ZC3H3: variants seen among roughly 807,000 people sequenced by gnomAD.
The protein encoded by ZC3H3 is zinc finger CCCH domain-containing protein 3.
A neutral mutation model predicts 77.3 loss-of-function variants in ZC3H3; 36 were observed. The observed-to-expected ratio is 0.47, with a 90% CI of 0.36 to 0.61. The LOEUF is 0.61. Among genes scored for constraint, ZC3H3 ranks in the 20% least tolerant of loss-of-function variants. The pLI, the probability that ZC3H3 is intolerant of heterozygous loss-of-function variation, is 0.00. For missense variants in ZC3H3, 1,331 were observed against 1,312.2 expected (o/e 1.01, Z -0.22); for synonymous variants, 626 against 555.2 (o/e 1.13, Z -1.79).
At chr8:143,469,008 G>A (rs1586894300) in intron 5 of ZC3H3, among the ~76,000 whole-genome samples, 1 of 152,352 alleles carries the variant, frequency 6.6e-6, no homozygotes, top group East Asian at 1.9e-4. Context: ...ACGCCCGCCT[G>A]TCCCTGCTGC....
intron 4 of ZC3H3, among the ~76,000 whole-genome samples, chr8:143,480,779 AC>A (rs1820887048): frequency 6.6e-6 from 1 of 152,154 alleles, no homozygotes; most frequent in Admixed American, 6.5e-5. Context: ...CAGCTCTGAG[AC>A]CAATCAGAGA....
At position 143,538,590 on chromosome 8, in the gene ZC3H3, G is replaced by C. The variant is rs748910438; in HGVS notation, c.777C>G (p.Leu259=). 6.8e-6 allele frequency: 11 copies of C among 1,610,316 alleles called. No individual in the cohort carries two copies. The South Asian group carries it at 1.1e-4, about 16-fold the overall frequency. ...SHSVASCAPQ[L]LGDRRVDAGH... Reference sequence around the variant, plus strand: ...CAGCATCTACTCTCCTGTCCCCAAGGAGCTGTGGAGCACAGCTGGCCACGG... The same window carrying C: ...CAGCATCTACTCTCCTGTCCCCAAGCAGCTGTGGAGCACAGCTGGCCACGG... Residue 259 remains leucine, a synonymous_variant, in exon 2 of 12, where the codon CTC becomes CTG. Transcript: ENST00000262577.
chr8:143,532,840 G>A (rs910445797), intron 3 of ZC3H3, among the ~76,000 whole-genome samples: 1 of 152,184 alleles, frequency 6.6e-6, no homozygotes, highest in African/African-American at 2.4e-5. Context: ...CAGACGCCCT[G>A]GCCACGCCCA....
intron 1 of ZC3H3, among the ~76,000 whole-genome samples, chr8:143,539,651 G>A (rs1822943876): frequency 6.6e-6 from 1 of 152,202 alleles, no homozygotes; most frequent in Admixed American, 6.5e-5. Flanking sequence ...GTGTCACTCA[G>A]TCTGAAGAGA....
In ZC3H3 at chr8:143,442,409, TGGGGGGGCGGGGGCAAGGCCTCCGGG is replaced by T. The variant is rs1376990929; in HGVS notation, c.2308-1315_2308-1290del. On this transcript the variant is annotated intron_variant, in intron 9 of 11. Coordinates refer to ENST00000262577, the MANE Select transcript of ZC3H3 (RefSeq NM_015117.3). ...AGCAGGCTTCAGGGGCCGGGGGGGGTGGGGGGGCGGGGGCAAGGCCTCCGGGGGGGGGGGGGGGCAGGGGCAGTGGC... is the reference window on the plus strand; with the variant it reads ...AGCAGGCTTCAGGGGCCGGGGGGGGTGGGGGGGGGGGGCAGGGGCAGTGGC... Among the ~76,000 whole-genome samples, 4 of 27,606 alleles carry T rather than the reference TGGGGGGGCGGGGGCAAGGCCTCCGGG, an allele frequency of 1.4e-4. No individual in the cohort carries two copies. The East Asian group carries it at 5.9e-3, about 41-fold the overall frequency. The allele number at this position is 27,606 out of a possible 152,430, so 18.1% of individuals were successfully genotyped here.
intron 4 of ZC3H3, among the ~76,000 whole-genome samples, chr8:143,507,113 G>A (rs1054313122): frequency 6.6e-6 from 1 of 152,258 alleles, no homozygotes; most frequent in African/African-American, 2.4e-5. Flanking sequence ...ACCTCCTAGA[G>A]CCAGGCCTCC....
At chr8:143,442,843 G>A (rs1819781570) in intron 9 of ZC3H3, among the ~76,000 whole-genome samples, 1 of 152,196 alleles carries the variant, frequency 6.6e-6, no homozygotes, top group Non-Finnish European at 1.5e-5. Context: ...CATCTGCTTT[G>A]GTGTATAATC....
chr8:143,489,248 C>T (rs1040896499), intron 4 of ZC3H3, among the ~76,000 whole-genome samples: 1 of 152,018 alleles, frequency 6.6e-6, no homozygotes, highest in East Asian at 1.9e-4. Context: ...GAATCCTATC[C>T]TTGCTCTGCC....
chr8:143,477,288 C>T (rs1820762810), intron 4 of ZC3H3, among the ~76,000 whole-genome samples: 1 of 152,224 alleles, frequency 6.6e-6, no homozygotes, highest in African/African-American at 2.4e-5. Flanking sequence ...AATTAAAATT[C>T]AAGTTCACAA....
At chr8:143,478,681 T>C (rs553456360) in intron 4 of ZC3H3, among the ~76,000 whole-genome samples, 1 of 152,268 alleles carries the variant, frequency 6.6e-6, no homozygotes, top group East Asian at 1.9e-4. Flanking sequence ...GGCTAATTTT[T>C]GTATTTTTGG....
rs1321621239 is a variant in ZC3H3 at position 143,462,634 on chromosome 8, C to T, written c.2307+3083G>A. On this transcript the variant is annotated intron_variant, in intron 9 of 11. Coordinates refer to ENST00000262577, the MANE Select transcript of ZC3H3 (RefSeq NM_015117.3). This position sits in a 1 kb window ranked among gnomAD's most constrained non-coding sequence, Gnocchi z 4.7. The stretch of plus-strand genomic sequence containing the variant: ...CTGAAACCCAAGGCTCAGCCAGGGC[C>T]TTCCCTCTCCCGACAGCTCCCTGCA... Among the ~76,000 whole-genome samples, 5 of 152,234 alleles carry T rather than the reference C, an allele frequency of 3.3e-5. No individual in the cohort carries two copies. The highest frequency in any genetic ancestry group is 1.2e-4 in the African/African-American group (5 of 41,456).
At chr8:143,440,849 G>A (rs908988593) in intron 10 of ZC3H3, 87 bp downstream of exon 10, 3 of 1,287,852 alleles carry the variant, frequency 2.3e-6, no homozygotes, top group Non-Finnish European at 3.0e-6. Flanking sequence ...GGAGTTGGCG[G>A]GAGCTCAACC....
chr8:143,502,508 A>G (rs1821556096), intron 4 of ZC3H3, among the ~76,000 whole-genome samples: 1 of 152,254 alleles, frequency 6.6e-6, no homozygotes. Flanking sequence ...CCGCACAGAC[A>G]CAAACTAAAA....
chr8:143,533,864 C>T lies in ZC3H3; in HGVS notation c.1561+2393G>A, dbSNP rs1038557886. ...CTAATTTTTGTATTTTTAGTAGAGA[C>T]GGGGTTTTGCCATGTTGCCAAGGCT... On this transcript the variant is annotated intron_variant, in intron 3 of 11. Coordinates refer to ENST00000262577, the MANE Select transcript of ZC3H3 (RefSeq NM_015117.3). The surrounding 1 kb of genome is among the most constrained non-coding windows in gnomAD (Gnocchi z 4.0). Among the ~76,000 whole-genome samples, 6 of 152,176 alleles carry T rather than the reference C, an allele frequency of 3.9e-5. No individual in the cohort carries two copies. The South Asian group carries it at 6.2e-4, about 16-fold the overall frequency.
chr8:143,457,944 C>T (rs544392767), intron 9 of ZC3H3, among the ~76,000 whole-genome samples: 2 of 151,972 alleles, frequency 1.3e-5, no homozygotes, highest in African/African-American at 4.8e-5. Context: ...AAAAAAACAG[C>T]AAAATAAACC....
At chr8:143,480,521 T>C (rs1820879689) in intron 4 of ZC3H3, among the ~76,000 whole-genome samples, 1 of 152,230 alleles carries the variant, frequency 6.6e-6, no homozygotes, top group Admixed American at 6.5e-5. Flanking sequence ...CACATACACG[T>C]GGCCCAGATC....
chr8:143,442,125 C>G lies in ZC3H3; in HGVS notation c.2308-1005G>C, dbSNP rs546175355. 3.0e-3 allele frequency among the ~76,000 whole-genome samples: 454 copies of G among 152,174 alleles called. 2 individuals carry two copies. Among genetic ancestry groups the G allele is most frequent in the Admixed American group, 5.0e-3 (77 of 15,298 alleles). ...GGGATCCCAGGTACTGCTCCTGTAC[C>G]TGGGGCTGGCCGTGAGCACCTGCTC... On this transcript the variant is annotated intron_variant, in intron 9 of 11. Transcript: ENST00000262577.
intron 9 of ZC3H3, among the ~76,000 whole-genome samples, chr8:143,455,726 A>C (rs1820099895): frequency 6.6e-6 from 1 of 152,172 alleles, no homozygotes; most frequent in East Asian, 1.9e-4. Context: ...TGATCCCAGC[A>C]CTTTGGGAGA....
intron 9 of ZC3H3, among the ~76,000 whole-genome samples, chr8:143,463,424 G>A (rs1820319754): frequency 6.6e-6 from 1 of 152,200 alleles, no homozygotes; most frequent in Non-Finnish European, 1.5e-5. Flanking sequence ...AGGAGCCCTG[G>A]CAGGGCAGCA....
Sources: allele counts gnomAD v4.1 joint callset (sites outside exome capture counted in the v4.1 genomes callset), GRCh38; gene constraint gnomAD v4.1.1; non-coding constraint Gnocchi (gnomAD v3.1); transcripts MANE v1.5; gene names NCBI Gene and HGNC (gene_info 2026-07-23, HGNC 2026-07-21).